DCAF6: variants seen among roughly 807,000 people sequenced by gnomAD.
DCAF6 encodes the protein DDB1 and CUL4 associated factor 6.
A neutral mutation model predicts 125.1 loss-of-function variants in DCAF6; 54 were observed. The observed-to-expected ratio is 0.43, with a 90% CI of 0.35 to 0.54. DCAF6 has a LOEUF of 0.54. DCAF6 is among the 20% of genes least tolerant of loss of function. The pLI, the probability that DCAF6 is intolerant of heterozygous loss-of-function variation, is 0.01. For synonymous variants in DCAF6, 371 were observed against 390.4 expected (o/e 0.95, Z 0.58); for missense variants, 934 against 1,161.7 (o/e 0.80, Z 2.85).
chr1:167,956,136 G>A (rs1255990370), intron 2 of DCAF6, among the ~76,000 whole-genome samples: 1 of 151,866 alleles, frequency 6.6e-6, no homozygotes, highest in Non-Finnish European at 1.5e-5. Flanking sequence ...TCAGGTTGAG[G>A]ATGTTCTCCT....
Position 168,046,536 on chromosome 1 carries a change from C to T in DCAF6, c.2258+1309C>T, listed in dbSNP as rs1689171844. On this transcript the variant is annotated intron_variant, in intron 16 of 21. Coordinates refer to ENST00000367840, the MANE Select transcript of DCAF6 (RefSeq NM_001198956.2). ...TGGCACTTTTTTTGTAGATATGAAG[C>T]AAGAATTTCCCATGTTTATACTTAG... 1.3e-5 allele frequency among the ~76,000 whole-genome samples: 2 copies of T among 152,066 alleles called. 1 individual carries two copies. The highest frequency in any genetic ancestry group is 1.3e-4 in the Admixed American group (2 of 15,272).
At chr1:167,893,695 C>CAA in the DCAF6 span, among the ~76,000 whole-genome samples, 277 of 70,052 alleles carry the variant, frequency 4.0e-3, 5 homozygotes, top group East Asian at 0.042. Flanking sequence ...GACTCTGTCT[C>CAA]AAAAAAAAAA....
intron 12 of DCAF6, among the ~76,000 whole-genome samples, chr1:168,034,117 A>C (rs1687502033): frequency 6.6e-6 from 1 of 152,260 alleles, no homozygotes; most frequent in African/African-American, 2.4e-5. Flanking sequence ...CAACATCAAC[A>C]ATTGATATTT....
chr1:167,895,617 TTTTG>T, the DCAF6 span, among the ~76,000 whole-genome samples: 1 of 152,200 alleles, frequency 6.6e-6, no homozygotes, highest in Non-Finnish European at 1.5e-5. Context: ...AGGTAGGGTA[TTTTG>T]TTTGTTTTTT....
chr1:167,922,287 A>T, the DCAF6 span, among the ~76,000 whole-genome samples: 10 of 152,184 alleles, frequency 6.6e-5, no homozygotes, highest in African/African-American at 2.4e-4. Flanking sequence ...GAAGGCATTT[A>T]TGAGTATATA....
Position 167,971,370 on chromosome 1 carries a change from A to G in DCAF6, c.253-3460A>G, listed in dbSNP as rs377116302. On this transcript the variant is annotated intron_variant, in intron 3 of 21. Coordinates refer to ENST00000367840, the MANE Select transcript of DCAF6 (RefSeq NM_001198956.2). ...TTTCTTTTTTCTTTTTGCATCCTCA[A>G]CACTTAACATTATTTATTTACCTCT... Among the ~76,000 whole-genome samples the G allele has an allele frequency of 7.7e-4, 118 of 152,284 alleles. 1 individual carries two copies. The South Asian group carries it at 0.023, about 29-fold the overall frequency.
chr1:167,932,723 C>G (rs538413993), upstream of DCAF6, among the ~76,000 whole-genome samples: 9 of 150,564 alleles, frequency 6.0e-5, no homozygotes, highest in Non-Finnish European at 1.2e-4. Context: ...GCAGGAGAAT[C>G]GCTTGAACCC....
the DCAF6 span, among the ~76,000 whole-genome samples, chr1:167,870,636 T>TAAAAAA: frequency 4.1e-5 from 1 of 24,666 alleles, no homozygotes; most frequent in Non-Finnish European, 8.7e-5. Flanking sequence ...CTACTGAAAA[T>TAAAAAA]ACAAAAAAAA....
chr1:167,875,034 GA>G, the DCAF6 span: 1 of 1,009,982 alleles, frequency 9.9e-7, no homozygotes, highest in Non-Finnish European at 1.6e-6. Context: ...TTCATTTTGT[GA>G]TAATTCATTA....
At chr1:167,972,714 C>G (rs535586182) in intron 3 of DCAF6, among the ~76,000 whole-genome samples, 1 of 152,102 alleles carries the variant, frequency 6.6e-6, no homozygotes, top group Non-Finnish European at 1.5e-5. Flanking sequence ...AAAAAGGTTC[C>G]TTAGTTTTTG....
chr1:167,904,279 G>T, the DCAF6 span, among the ~76,000 whole-genome samples: 5 of 151,934 alleles, frequency 3.3e-5, no homozygotes, highest in African/African-American at 1.2e-4. Context: ...GTACAGATGG[G>T]GTTTCACCAT....
At chr1:168,029,607 C>T (rs2103294357) in intron 12 of DCAF6, among the ~76,000 whole-genome samples, 1 of 152,246 alleles carries the variant, frequency 6.6e-6, no homozygotes, top group South Asian at 2.1e-4. Flanking sequence ...TTTACTTAAT[C>T]CTTACCACAA....
chr1:167,900,349 T>C, the DCAF6 span, among the ~76,000 whole-genome samples: 1 of 152,200 alleles, frequency 6.6e-6, no homozygotes, highest in African/African-American at 2.4e-5. Flanking sequence ...CACTGATGTT[T>C]GGACTTACTC....
chr1:167,966,553 C>A (rs2102829477), intron 2 of DCAF6, 76 bp from the exon 3 acceptor site: 1 of 931,174 alleles, frequency 1.1e-6, no homozygotes, highest in Non-Finnish European at 1.7e-6. Context: ...AAATTTTGTA[C>A]CGCCAGGTGA....
the DCAF6 span, among the ~76,000 whole-genome samples, chr1:167,904,288 A>G: frequency 6.6e-6 from 1 of 151,994 alleles, no homozygotes; most frequent in African/African-American, 2.4e-5. Context: ...GGGTTTCACC[A>G]TGTTAGCCAG....
the DCAF6 span, among the ~76,000 whole-genome samples, chr1:167,871,687 T>C: frequency 6.6e-6 from 1 of 152,278 alleles, no homozygotes; most frequent in Non-Finnish European, 1.5e-5. Context: ...TTATCTAATG[T>C]CTTTGTTGAA....
intron 21 of DCAF6, among the ~76,000 whole-genome samples, chr1:168,071,631 C>G (rs1199358184): frequency 6.6e-6 from 1 of 152,046 alleles, no homozygotes; most frequent in Admixed American, 6.6e-5. Context: ...GAGACTCTGT[C>G]TCAAACAAAA....
chr1:168,011,553 GAGA>G (rs1684285649), intron 10 of DCAF6, among the ~76,000 whole-genome samples: 1 of 152,154 alleles, frequency 6.6e-6, no homozygotes, highest in Admixed American at 6.5e-5. Context: ...AAAATTGCTG[GAGA>G]AGAACTCTGT....
At chr1:167,899,762 A>G in the DCAF6 span, 2 of 825,176 alleles carry the variant, frequency 2.4e-6, no homozygotes, top group Non-Finnish European at 4.0e-6. Context: ...AAAACTTTAC[A>G]TAGGAATTAT....
Sources: allele counts gnomAD v4.1 joint callset (sites outside exome capture counted in the v4.1 genomes callset), GRCh38; gene constraint gnomAD v4.1.1; transcripts MANE v1.5; gene names NCBI Gene and HGNC (gene_info 2026-07-23, HGNC 2026-07-21).